Variants in CPXM2 observed in about 807,000 individuals in gnomAD.
CPXM2 encodes carboxypeptidase X, M14 family member 2.
A neutral mutation model predicts 86.1 loss-of-function variants in CPXM2; 66 were observed. The ratio of observed to expected loss-of-function variants is 0.77; its 90% CI spans 0.63 to 0.94. The LOEUF (loss-of-function observed/expected upper bound fraction) is 0.94, where lower values mean the gene tolerates loss of function less well. Ranked by LOEUF, CPXM2 falls within the 40% of genes least tolerant of loss-of-function variation. The pLI is 0.00. For missense variants in CPXM2, 948 were observed against 1,026.3 expected (o/e 0.92, Z 1.04); for synonymous variants, 388 against 400.2 (o/e 0.97, Z 0.36).
chr10:123,892,895 G>T (rs1437501642), upstream of CPXM2, among the ~76,000 whole-genome samples: 5 of 152,134 alleles, frequency 3.3e-5, no homozygotes, highest in African/African-American at 1.2e-4. Context: ...GCCTCTCCCT[G>T]GTCCTCGCAC....
chr10:123,925,682 C>A (rs1945616528), intron 2 of CPXM2, among the ~76,000 whole-genome samples: 2 of 152,238 alleles, frequency 1.3e-5, no homozygotes, highest in South Asian at 4.2e-4. Context: ...TATGGATCCC[C>A]CCACCCTACC....
At chr10:123,768,255 G>A (rs2459764) in intron 9 of CPXM2, among the ~76,000 whole-genome samples, 51,238 of 151,782 alleles carry the variant, frequency 0.34, 9,697 homozygotes, top group East Asian at 0.62. Context: ...GCTGGCGGCC[G>A]TAATCCCAGC....
chr10:123,815,943 C>T (rs1847805452), intron 4 of CPXM2, among the ~76,000 whole-genome samples: 1 of 152,110 alleles, frequency 6.6e-6, no homozygotes, highest in Non-Finnish European at 1.5e-5. Flanking sequence ...TAAGTGGGGA[C>T]TCTGTGTTTA....
In CPXM2 at chr10:123,911,596, A is replaced by G. The variant is rs111915221; in HGVS notation, n.174+27881T>C. 9.8e-3 allele frequency among the ~76,000 whole-genome samples: 1,497 copies of G among 152,080 alleles called. 23 individuals carry two copies. Among genetic ancestry groups the G allele is most frequent in the African/African-American group, 0.03 (1,256 of 41,520 alleles). ...AGAGGCCATGAACGGAAACAGCTCC[A>G]AGAAACTCAGAGATGAGAGAAGCTG... On this transcript the variant is annotated intron_variant and non_coding_transcript_variant, in intron 2 of 19. Transcript: ENST00000368854.
At chr10:123,877,356 T>G (rs781374841) in intron 2 of CPXM2, among the ~76,000 whole-genome samples, 1 of 152,270 alleles carries the variant, frequency 6.6e-6, no homozygotes, top group Non-Finnish European at 1.5e-5. Context: ...CAGCTACTGC[T>G]GTATAACAAG....
chr10:123,778,206 GT>G (rs1465694049), intron 7 of CPXM2, among the ~76,000 whole-genome samples: 1 of 152,132 alleles, frequency 6.6e-6, no homozygotes, highest in Non-Finnish European at 1.5e-5. Flanking sequence ...TTTCTCATTT[GT>G]TTTTTGTTTG....
intron 11 of CPXM2, among the ~76,000 whole-genome samples, chr10:123,761,052 T>A (rs1846323782): frequency 6.6e-6 from 1 of 152,226 alleles, no homozygotes; most frequent in South Asian, 2.1e-4. Flanking sequence ...TCATCCCTCC[T>A]GGCTTAGGGA....
At position 123,751,293 on chromosome 10, in the gene CPXM2, C is replaced by T. The variant is rs148016867; in HGVS notation, c.2017+3370G>A. On this transcript the variant is annotated intron_variant, in intron 13 of 13. Coordinates refer to ENST00000241305, the MANE Select transcript of CPXM2 (RefSeq NM_198148.3). The stretch of plus-strand genomic sequence containing the variant: ...TGGGTAATTAACATTGTCGACCCCC[C>T]GAGTAGAGAGCAGTCCTGTGTGCAA... Among the ~76,000 whole-genome samples, 9 of 152,176 alleles carry T rather than the reference C, an allele frequency of 5.9e-5. No individual in the cohort carries two copies. In the East Asian group the frequency reaches 1.5e-3, roughly 26 times the overall value.
chr10:123,891,618 C>G lies in CPXM2; in HGVS notation c.42G>C (p.Val14=). The G allele has an allele frequency of 6.0e-6, 9 of 1,496,154 alleles. No homozygotes were observed. Among genetic ancestry groups the G allele is most frequent in the Non-Finnish European group, 8.0e-6 (9 of 1,122,086 alleles). 92.7% of individuals were successfully genotyped at this position (1,496,154 alleles called of 1,614,324 possible). A position where few individuals can be genotyped will look rare whatever the true frequency, so the allele number is the denominator to read the frequency against. ...CCCCGGCCAGGGTCACTGCCAGGAG[C>G]ACCAGGGCCAGCGCTGGGGTAGCGG... ...PGTATPALAL[V]LLAVTLAGVG... The change falls in exon 1 of 14, where the codon GTG becomes GTC. Residue 14 remains valine, a synonymous_variant. Coordinates refer to ENST00000241305, the MANE Select transcript of CPXM2 (RefSeq NM_198148.3). This position sits in a 1 kb window ranked among gnomAD's most constrained non-coding sequence, Gnocchi z 5.6.
chr10:123,809,674 T>C (rs1405385478), intron 4 of CPXM2, among the ~76,000 whole-genome samples: 1 of 150,802 alleles, frequency 6.6e-6, no homozygotes, highest in Non-Finnish European at 1.5e-5. Context: ...ATCTCCATTT[T>C]ACAGATGAAG....
rs72163200 is a variant in CPXM2, at chr10:123,878,296, CTTTT to C, written c.403+1911_403+1914del. Among the ~76,000 whole-genome samples, 120 of 122,820 alleles carry C rather than the reference CTTTT, an allele frequency of 9.8e-4. 5 individuals are homozygous for C. Among genetic ancestry groups the C allele is most frequent in the Non-Finnish European group, 8.2e-4 (50 of 61,298 alleles). 80.6% of individuals were successfully genotyped at this position (122,820 alleles called of 152,430 possible). A position where few individuals can be genotyped will look rare whatever the true frequency, so the allele number is the denominator to read the frequency against. On this transcript the variant is annotated intron_variant, in intron 2 of 13. Coordinates refer to ENST00000241305, the MANE Select transcript of CPXM2 (RefSeq NM_198148.3). ...TATCCTCGACCCCCTTTTTTTCTCT[CTTTT>C]TTTTTTTTTTTTTTTTTTTTTTTTA...
At chr10:123,932,816 G>A (rs987908675) in intron 2 of CPXM2, among the ~76,000 whole-genome samples, 3 of 152,208 alleles carry the variant, frequency 2.0e-5, no homozygotes, top group Non-Finnish European at 4.4e-5. Flanking sequence ...TACAGCAAGG[G>A]CTCCAACAGG....
At chr10:123,852,859 T>A (rs74162955) in intron 3 of CPXM2, among the ~76,000 whole-genome samples, 1,906 of 152,294 alleles carry the variant, frequency 0.013, 31 homozygotes, top group African/African-American at 0.043. Context: ...TGACTACCAC[T>A]GCCAGCTGTC....
chr10:123,869,879 G>C (rs537293507), intron 2 of CPXM2, among the ~76,000 whole-genome samples: 2 of 152,218 alleles, frequency 1.3e-5, no homozygotes, highest in East Asian at 3.9e-4. Context: ...GGAGGCCTTT[G>C]TGGCCCAGAA....
At chr10:123,877,422 T>A (rs918512757) in intron 2 of CPXM2, among the ~76,000 whole-genome samples, 21 of 152,222 alleles carry the variant, frequency 1.4e-4, no homozygotes, top group African/African-American at 4.6e-4. Flanking sequence ...TGTCTGTAGA[T>A]TAGTTGAGCT....
At chr10:123,791,480 G>A (rs1847205605) in intron 6 of CPXM2, among the ~76,000 whole-genome samples, 2 of 152,140 alleles carry the variant, frequency 1.3e-5, no homozygotes, top group African/African-American at 4.8e-5. Context: ...AAGCTCTAGG[G>A]GAGGATCCTT....
At position 123,865,076 on chromosome 10, in the gene CPXM2, C is replaced by T. The variant is rs889668847; in HGVS notation, c.404-2353G>A. Among the ~76,000 whole-genome samples the T allele has an allele frequency of 4.6e-5, 7 of 152,306 alleles. No individual in the cohort carries two copies. The East Asian group carries it at 5.8e-4, about 13-fold the overall frequency. On this transcript the variant is annotated intron_variant, in intron 2 of 13. Transcript: ENST00000241305. The surrounding 1 kb of genome is among the most constrained non-coding windows in gnomAD (Gnocchi z 4.7). ...CTTGTCCACTCCTGTGATGGTGTCA[C>T]GGCAAAGCCAGAAACTTCACCCCCT...
At chr10:123,916,965 T>C (rs748869057) in intron 2 of CPXM2, among the ~76,000 whole-genome samples, 4 of 151,710 alleles carry the variant, frequency 2.6e-5, no homozygotes, top group Non-Finnish European at 5.9e-5. Flanking sequence ...TTGATTCCAG[T>C]TGTTTGCTGG....
intron 3 of CPXM2, among the ~76,000 whole-genome samples, chr10:123,853,203 CTG>C (rs1035242803): frequency 1.3e-5 from 2 of 152,188 alleles, no homozygotes; most frequent in African/African-American, 4.8e-5. Flanking sequence ...TCCGCCATGA[CTG>C]TAAGTTTCCT....
Sources: allele counts gnomAD v4.1 joint callset (sites outside exome capture counted in the v4.1 genomes callset), GRCh38; gene constraint gnomAD v4.1.1; non-coding constraint Gnocchi (gnomAD v3.1); transcripts MANE v1.5; gene names NCBI Gene and HGNC (gene_info 2026-07-23, HGNC 2026-07-21).